SLC34A3: variants seen among roughly 807,000 people sequenced by gnomAD.
SLC34A3 encodes sodium-dependent phosphate transport protein 2C.
SLC34A3 carries 60 observed loss-of-function variants against 43.9 expected under a neutral mutation model. The observed-to-expected ratio is 1.37, with a 90% CI of 1.11 to 1.70. The LOEUF (loss-of-function observed/expected upper bound fraction) is 1.70. Ranked by LOEUF, SLC34A3 falls within the 40% of genes most tolerant of loss-of-function variation. The pLI is 0.00. For synonymous variants in SLC34A3, 451 were observed against 386.2 expected, an observed-to-expected ratio of 1.17 and a Z score of -1.97; for missense variants, 969 against 823.8, an observed-to-expected ratio of 1.18 and a Z score of -2.16.
At chr9:137,232,955 T>TG (rs760921945) in intron 5 of SLC34A3, 28 bp downstream of exon 5, 373 of 1,067,944 alleles carry the variant, frequency 3.5e-4, no homozygotes, top group South Asian at 8.1e-4. Flanking sequence ...CCCCGGGTGG[T>TG]GGGGGGGGCA....
rs780556379 is a variant in SLC34A3 at position 137,234,289 on chromosome 9, G to A, written c.1093+13G>A. On this transcript the variant is annotated intron_variant, in intron 10 of 12. Transcript: ENST00000673835. The surrounding 1 kb of genome is among the most constrained non-coding windows in gnomAD (Gnocchi z 6.9). ...GTCATCAATGCGGGTGAGGGCGTGG[G>A]AGGAGGTGCGGTGGCCAGGGCTGAC... is the stretch of plus-strand genomic sequence containing the variant. 1 of 1,609,618 alleles carries A rather than the reference G, an allele frequency of 6.2e-7. No homozygotes were observed. Among genetic ancestry groups the A allele is most frequent in the Non-Finnish European group, 8.5e-7 (1 of 1,179,474 alleles).
At chr9:137,231,269 G>T (rs948184315) in intron 1 of SLC34A3, among the ~76,000 whole-genome samples, 1 of 152,136 alleles carries the variant, frequency 6.6e-6, no homozygotes, top group African/African-American at 2.4e-5. Flanking sequence ...AAGCCGAGAC[G>T]TCACTGTTTA....
At chr9:137,231,622 G>A (rs1836217791) in intron 1 of SLC34A3, 42 bp from the exon 2 acceptor site, 1 of 1,246,032 alleles carries the variant, frequency 8.0e-7, no homozygotes, top group African/African-American at 1.5e-5. Flanking sequence ...ACAGGGCCGG[G>A]GCAGGAGGAA....
chr9:137,232,296 G>C (rs1002180536), intron 3 of SLC34A3, 135 bp downstream of exon 3: 3 of 902,774 alleles, frequency 3.3e-6, no homozygotes, highest in Non-Finnish European at 5.2e-6. Context: ...CCTCTGGGGA[G>C]ACACGTGTCC....
intron 12 of SLC34A3, among the ~76,000 whole-genome samples, chr9:137,235,158 C>T (rs1836512828): frequency 6.6e-6 from 1 of 152,010 alleles, no homozygotes; most frequent in African/African-American, 2.4e-5. Flanking sequence ...CCGAGTCCCA[C>T]CGATGCTGGG....
chr9:137,232,017 C>T (rs1012924365), intron 2 of SLC34A3, 55 bp from the exon 3 acceptor site: 5 of 1,546,836 alleles, frequency 3.2e-6, no homozygotes, highest in Non-Finnish European at 4.5e-6. Context: ...CCCTTGTGCC[C>T]CCAGTTGGAG....
rs753741896 is a variant in SLC34A3 at position 137,234,275 on chromosome 9, G to A, written c.1092G>A (p.Ala364=). ...AGGTCGTGAGGACAGTCATCAATGC[G>A]GGTGAGGGCGTGGGAGGAGGTGCGG... ...VAQVVRTVIN[A]DFPFPLGWLG... is the part of the protein sequence containing the mutation. The change falls in exon 10 of 13, where the codon GCG becomes GCA. Residue 364 remains alanine (A), a splice_region_variant and synonymous_variant. Coordinates refer to ENST00000673835, the MANE Select transcript of SLC34A3 (RefSeq NM_001177316.2). This position sits in a 1 kb window ranked among gnomAD's most constrained non-coding sequence, Gnocchi z 6.9. The A allele has an allele frequency of 1.2e-5, 19 of 1,610,300 alleles. No individual in the cohort carries two copies. The highest frequency in any genetic ancestry group is 2.2e-5 in the East Asian group (1 of 44,844).
chr9:137,234,088 C>G lies in SLC34A3; in HGVS notation c.926-21C>G, dbSNP rs1836423583. 6.5e-7 allele frequency: 1 copy of G among 1,537,780 alleles called. No homozygotes were observed. The highest frequency in any genetic ancestry group is 1.4e-5 in the African/African-American group (1 of 73,168). ...GCCCACCCCCCAGGCTCCCCCTCAC[C>G]TGCCCCTGCCCTGCCCCCAGGCCGC... On this transcript the variant is annotated intron_variant, in intron 9 of 12. Coordinates refer to ENST00000673835, the MANE Select transcript of SLC34A3 (RefSeq NM_001177316.2). This position sits in a 1 kb window ranked among gnomAD's most constrained non-coding sequence, Gnocchi z 6.9.
At chr9:137,232,418 A>G (rs1406967146) in intron 3 of SLC34A3, among the ~76,000 whole-genome samples, 157 bp from the exon 4 acceptor site, 1 of 152,206 alleles carries the variant, frequency 6.6e-6, no homozygotes, top group African/African-American at 2.4e-5. Context: ...TTGGAAAGGC[A>G]GGAACCCGGG....
intron 12 of SLC34A3, among the ~76,000 whole-genome samples, 173 bp from the exon 13 acceptor site, chr9:137,235,779 G>C (rs995931783): frequency 1.3e-5 from 2 of 152,208 alleles, no homozygotes; most frequent in Non-Finnish European, 2.9e-5. Context: ...GCGTGCTGGG[G>C]AACATGTCCA....
chr9:137,234,112 G>T lies in SLC34A3; in HGVS notation c.929G>T (p.Arg310Leu). 1 of 1,383,520 alleles carries T rather than the reference G, an allele frequency of 7.2e-7. No homozygotes were observed. Among genetic ancestry groups the T allele is most frequent in the Non-Finnish European group, 9.5e-7 (1 of 1,050,778 alleles). 85.7% of individuals were successfully genotyped at this position (1,383,520 alleles called of 1,614,324 possible). A position where few individuals can be genotyped will look rare whatever the true frequency, so the allele number is the denominator to read the frequency against. Residue 310 changes from arginine to leucine, a missense_variant, in exon 10 of 13, where the codon CGC (arginine) becomes CTC (leucine). Coordinates refer to ENST00000673835, the MANE Select transcript of SLC34A3 (RefSeq NM_001177316.2). The surrounding 1 kb of genome is among the most constrained non-coding windows in gnomAD (Gnocchi z 6.9). ...STAPADRLPC[R>L]HLFAGTELTD... ...CCTGCCCCTGCCCTGCCCCCAGGCC[G>T]CCACCTGTTTGCGGGCACGGAGCTC...
chr9:137,236,480 G>A lies in SLC34A3; in HGVS notation c.*64G>A, dbSNP rs1381771763. 3.9e-5 allele frequency: 55 copies of A among 1,396,734 alleles called. No individual in the cohort carries two copies. Among genetic ancestry groups the A allele is most frequent in the Non-Finnish European group, 5.0e-5 (51 of 1,021,344 alleles). The allele number at this position is 1,396,734 out of a possible 1,614,324, so 86.5% of individuals were successfully genotyped here. ...TGGGAGGGCTCTGGAGGGCCCTGGA[G>A]GGGGGGTCCCCGCGGCAGCTGACCT... On this transcript the variant is annotated 3_prime_UTR_variant, in exon 13 of 13. Coordinates refer to ENST00000673835, the MANE Select transcript of SLC34A3 (RefSeq NM_001177316.2).
Position 137,233,736 on chromosome 9 carries a change from C to T in SLC34A3, c.846+14C>T. 6.2e-7 allele frequency: 1 copy of T among 1,611,330 alleles called. No individual in the cohort carries two copies. The highest frequency in any genetic ancestry group is 1.7e-4 in the Middle Eastern group (1 of 5,810). On this transcript the variant is annotated intron_variant, in intron 8 of 12. Transcript: ENST00000673835. ...ACGGGGCAGCCGGTGAGGCACCCAA[C>T]CCTAGGCCCTCACTGACCCCCAACC... is the stretch of plus-strand genomic sequence containing the variant.
In SLC34A3 at chr9:137,232,870, C is replaced by T. The variant is rs114724831; in HGVS notation, c.391C>T (p.Leu131=). ...GGTCATTGGCGTGCTGGTCACAGCCCTGGTGCAGAGTTCCAGCACGTCCTC... is the reference window on the plus strand; with the variant it reads ...GGTCATTGGCGTGCTGGTCACAGCCTTGGTGCAGAGTTCCAGCACGTCCTC... ...GLVIGVLVTA[L]VQSSSTSSSI... Residue 131 remains leucine (L), a synonymous_variant, in exon 5 of 13, where the codon CTG becomes TTG. Transcript: ENST00000673835. The T allele has an allele frequency of 1.6e-3, 2,638 of 1,612,154 alleles. 45 individuals carry two copies. The African/African-American group carries it at 0.032, about 20-fold the overall frequency.
intron 8 of SLC34A3, 56 bp downstream of exon 8, chr9:137,233,778 A>AACCCCCCCCCC: frequency 2.7e-6 from 4 of 1,485,054 alleles, no homozygotes; most frequent in Admixed American, 1.7e-5. Flanking sequence ...CTGCTGAGTC[A>AACCCCCCCCCC]TCCCGCCCCA....
rs1564419448 is a variant in SLC34A3, at chr9:137,233,995, G to A, written c.925+54G>A. On this transcript the variant is annotated intron_variant, in intron 9 of 12. Transcript: ENST00000673835. ...ACACCCCCCACACTCCCCCTCACCG[G>A]CCCCTACATGGAGAGGAACAGCACA... 8.1e-7 allele frequency: 1 copy of A among 1,241,242 alleles called. No individual in the cohort carries two copies. The highest frequency in any genetic ancestry group is 4.0e-5 in the East Asian group (1 of 24,876). 76.9% of individuals were successfully genotyped at this position (1,241,242 alleles called of 1,614,324 possible). A position where few individuals can be genotyped will look rare whatever the true frequency, so the allele number is the denominator to read the frequency against.
chr9:137,231,609 A>G, intron 1 of SLC34A3, 55 bp from the exon 2 acceptor site: 1 of 1,128,848 alleles, frequency 8.9e-7, no homozygotes, highest in Non-Finnish European at 1.3e-6. Context: ...CCAGCTTGTG[A>G]GGACAGGGCC....
rs747670455 is a variant in SLC34A3 at position 137,234,662 on chromosome 9, C to T, written c.1266C>T (p.Ile422=). 13 of 1,612,288 alleles carry T rather than the reference C, an allele frequency of 8.1e-6. No homozygotes were observed. Among genetic ancestry groups the T allele is most frequent in the South Asian group, 5.5e-5 (5 of 91,086 alleles). ...ACCCCCTCTTACTGGGCTCCAACATCGGCACCACTACCACAGCCCTGCTGG... is the reference window on the plus strand; with the variant it reads ...ACCCCCTCTTACTGGGCTCCAACATTGGCACCACTACCACAGCCCTGCTGG... ...RAYPLLLGSN[I]GTTTTALLAA... Residue 422 remains isoleucine (I), a synonymous_variant, in exon 12 of 13, where the codon ATC becomes ATT. Coordinates refer to ENST00000673835, the MANE Select transcript of SLC34A3 (RefSeq NM_001177316.2). This position sits in a 1 kb window ranked among gnomAD's most constrained non-coding sequence, Gnocchi z 6.9.
chr9:137,230,586 G>A (rs1158133898), upstream of SLC34A3, among the ~76,000 whole-genome samples: 2 of 152,178 alleles, frequency 1.3e-5, no homozygotes, highest in African/African-American at 2.4e-5. Flanking sequence ...TGCCTGGCTG[G>A]GTGGAGTGTG....
Sources: gnomAD v4.1 joint callset for allele counts (sites outside exome capture counted in the v4.1 genomes callset) on GRCh38, gnomAD v4.1.1 for gene constraint, Gnocchi (gnomAD v3.1) non-coding constraint, MANE v1.5 for transcripts, NCBI Gene and HGNC (gene_info 2026-07-23, HGNC 2026-07-21) for gene names.